RYR3: variants seen among roughly 807,000 people sequenced by gnomAD.
The protein encoded by RYR3 is brain ryanodine receptor-calcium release channel.
A neutral mutation model predicts 584.3 loss-of-function variants in RYR3; 207 were observed. That is an observed-to-expected ratio of 0.35 (90% confidence interval 0.32 to 0.40). The LOEUF is 0.40. RYR3 is among the 10% of genes least tolerant of loss of function. The pLI is 1.00. For missense variants in RYR3, 5,616 were observed against 6,089.2 expected (o/e 0.92, Z 2.59); for synonymous variants, 2,416 against 2,248.5 (o/e 1.07, Z -2.11).
At chr15:33,603,097 T>C (rs1380808881) in intron 17 of RYR3, 26 bp from the exon 18 acceptor site, 4 of 1,612,426 alleles carry the variant, frequency 2.5e-6, no homozygotes, top group Non-Finnish European at 3.4e-6. Flanking sequence ...GGTGTGTAGA[T>C]GCCACTTGCC....
At chr15:33,700,527 C>G (rs2066222377) in intron 41 of RYR3, among the ~76,000 whole-genome samples, 1 of 152,144 alleles carries the variant, frequency 6.6e-6, no homozygotes, top group Admixed American at 6.5e-5. Flanking sequence ...TTTCTTAATT[C>G]TAGCCTGAGA....
intron 42 of RYR3, among the ~76,000 whole-genome samples, chr15:33,704,551 C>T (rs2152779709): frequency 6.6e-6 from 1 of 152,298 alleles, no homozygotes; most frequent in Admixed American, 6.5e-5. Flanking sequence ...GTCTCTGCAT[C>T]TAGAGGGAGA....
intron 1 of RYR3, among the ~76,000 whole-genome samples, chr15:33,346,594 T>C (rs552903943): frequency 6.6e-6 from 1 of 152,356 alleles, no homozygotes; most frequent in South Asian, 2.1e-4. Flanking sequence ...TGGTATTCTG[T>C]ATCTACTGTT....
At chr15:33,658,082 T>C (rs948397863) in intron 32 of RYR3, among the ~76,000 whole-genome samples, 1 of 152,230 alleles carries the variant, frequency 6.6e-6, no homozygotes, top group Non-Finnish European at 1.5e-5. Context: ...TAAAATAGCA[T>C]ATATTTATTA....
intron 28 of RYR3, among the ~76,000 whole-genome samples, chr15:33,644,919 G>T (rs147390227): frequency 5.5e-4 from 84 of 152,098 alleles, no homozygotes; most frequent in African/African-American, 1.9e-3. Flanking sequence ...GGCTGAGGTG[G>T]GAGGATCCCT....
At chr15:33,861,004 A>G in intron 101 of RYR3, 74 bp from the exon 102 acceptor site, 3 of 1,158,336 alleles carry the variant, frequency 2.6e-6, no homozygotes, top group Non-Finnish European at 3.8e-6. Flanking sequence ...CTTCAATTCG[A>G]TAGAATCATG....
intron 10 of RYR3, among the ~76,000 whole-genome samples, chr15:33,556,903 G>T (rs1256152551): frequency 6.6e-6 from 1 of 151,814 alleles, no homozygotes; most frequent in African/African-American, 2.4e-5. Context: ...ATACCACCTT[G>T]CTGTGCTTGT....
At chr15:33,332,412 T>C (rs993834073) in intron 1 of RYR3, among the ~76,000 whole-genome samples, 1 of 152,110 alleles carries the variant, frequency 6.6e-6, no homozygotes, top group Non-Finnish European at 1.5e-5. Flanking sequence ...CAATAATTGA[T>C]CTGTTAAGCA....
At chr15:33,579,951 A>G (rs2058508089) in intron 12 of RYR3, 25 bp from the exon 13 acceptor site, 1 of 1,594,344 alleles carries the variant, frequency 6.3e-7, no homozygotes. Context: ...CAGTGCCTAA[A>G]CCATGTCAAT....
intron 94 of RYR3, among the ~76,000 whole-genome samples, chr15:33,848,852 T>C (rs2078897257): frequency 1.4e-5 from 2 of 147,010 alleles, no homozygotes; most frequent in South Asian, 2.2e-4. Context: ...TTTTTTTTTT[T>C]TGAGACAGAG....
intron 1 of RYR3, among the ~76,000 whole-genome samples, chr15:33,373,700 T>C (rs1352610858): frequency 2.0e-5 from 3 of 152,328 alleles, no homozygotes; most frequent in African/African-American, 7.2e-5. Flanking sequence ...TTAAATTGTA[T>C]GTAATTTTAG....
intron 1 of RYR3, among the ~76,000 whole-genome samples, chr15:33,362,880 G>A (rs1974972128): frequency 6.6e-6 from 1 of 152,160 alleles, no homozygotes; most frequent in African/African-American, 2.4e-5. Flanking sequence ...GGGGTTACCT[G>A]TATCATTTAT....
At chr15:33,571,194 C>T (rs1411269462) in intron 12 of RYR3, among the ~76,000 whole-genome samples, 1 of 152,276 alleles carries the variant, frequency 6.6e-6, no homozygotes, top group East Asian at 1.9e-4. Flanking sequence ...AATTTTTCAC[C>T]GTTAAGTGCG....
At chr15:33,338,903 A>T (rs995136939) in intron 1 of RYR3, among the ~76,000 whole-genome samples, 1 of 152,204 alleles carries the variant, frequency 6.6e-6, no homozygotes, top group East Asian at 1.9e-4. Context: ...ACTAAACAAT[A>T]TGTTATTTAT....
intron 1 of RYR3, among the ~76,000 whole-genome samples, chr15:33,455,663 C>G (rs1426985888): frequency 1.3e-5 from 2 of 152,082 alleles, no homozygotes; most frequent in Non-Finnish European, 2.9e-5. Flanking sequence ...GCTGCAGGAA[C>G]AGACAATATC....
chr15:33,699,306 C>T (rs1441424724), intron 40 of RYR3, among the ~76,000 whole-genome samples: 1 of 130,080 alleles, frequency 7.7e-6, no homozygotes, highest in Admixed American at 8.8e-5. Flanking sequence ...TCTCTCCTCA[C>T]TCTTTCCTCA....
intron 1 of RYR3, among the ~76,000 whole-genome samples, chr15:33,411,857 T>C (rs1596023303): frequency 6.6e-6 from 1 of 152,128 alleles, no homozygotes; most frequent in East Asian, 1.9e-4. Context: ...CTCAAGAAAA[T>C]AGGGATAAGA....
chr15:33,842,675 C>T (rs576069959), intron 91 of RYR3, among the ~76,000 whole-genome samples: 33 of 152,026 alleles, frequency 2.2e-4, no homozygotes, highest in Non-Finnish European at 4.3e-4. Context: ...AATGCTGTTC[C>T]CAACAAGGGA....
intron 93 of RYR3, among the ~76,000 whole-genome samples, chr15:33,846,476 T>G (rs1203545836): frequency 6.6e-6 from 1 of 152,214 alleles, no homozygotes; most frequent in Non-Finnish European, 1.5e-5. Flanking sequence ...ATCATAATTG[T>G]GTTTTTCTCA....
Sources: allele counts gnomAD v4.1 joint callset (sites outside exome capture counted in the v4.1 genomes callset), GRCh38; gene constraint gnomAD v4.1.1; transcripts MANE v1.5; gene names NCBI Gene and HGNC (gene_info 2026-07-23, HGNC 2026-07-21).